The following CLEC9A variants were observed in gnomAD, a reference collection of about 807,000 sequenced individuals.
CLEC9A encodes the protein C-type lectin domain family 9 member A.
CLEC9A carries 24 observed loss-of-function variants against 30.0 expected under a neutral mutation model. That is an observed-to-expected ratio of 0.80 (90% confidence interval 0.58 to 1.13). CLEC9A has a LOEUF of 1.13. Among genes scored for constraint, CLEC9A ranks in the 50% most tolerant of loss-of-function variants. The pLI, the probability that CLEC9A is intolerant of heterozygous loss-of-function variation, is 0.00. For missense variants in CLEC9A, 251 were observed against 280.9 expected, an observed-to-expected ratio of 0.89 and a Z score of 0.76; for synonymous variants, 111 against 96.8, an observed-to-expected ratio of 1.15 and a Z score of -0.86.
In CLEC9A at chr12:10,041,673, A is replaced by C. The variant is rs570348953; in HGVS notation, c.-163+53A>C. ...TGGAGGCAAGGGAGAAAACTCTCAA[A>C]TGTAACATTTGACCTTTTTTGTTTT... On this transcript the variant is annotated intron_variant, in intron 2 of 8. Coordinates refer to ENST00000355819, the MANE Select transcript of CLEC9A (RefSeq NM_207345.4). 164 of 522,794 alleles carry C rather than the reference A, an allele frequency of 3.1e-4. 4 individuals are homozygous for C. The highest frequency in any genetic ancestry group is 2.3e-3 in the South Asian group (164 of 71,702). The allele number at this position is 522,794 out of a possible 1,614,324, so 32.4% of individuals were successfully genotyped here. A position where few individuals can be genotyped will look rare whatever the true frequency, so the allele number is the denominator to read the frequency against.
chr12:10,065,643 G>A lies in CLEC9A; in HGVS notation c.*11G>A, dbSNP rs774503973. ...AGATCCTCTGTCTGAAAGAAATTGT[G>A]TTCAAAGTGTTCTATTACACTGTTA... On this transcript the variant is annotated 3_prime_UTR_variant, in exon 9 of 9. Coordinates refer to ENST00000355819, the MANE Select transcript of CLEC9A (RefSeq NM_207345.4). 6.2e-7 allele frequency: 1 copy of A among 1,613,136 alleles called. No homozygotes were observed. The highest frequency in any genetic ancestry group is 1.7e-5 in the Admixed American group (1 of 59,946).
chr12:10,063,312 C>T, intron 7 of CLEC9A, 106 bp downstream of exon 7: 2 of 1,040,836 alleles, frequency 1.9e-6, no homozygotes, highest in Non-Finnish European at 2.6e-6. Flanking sequence ...TCTATAACAG[C>T]AGTATAATTG....
intron 2 of CLEC9A, 58 bp downstream of exon 2, chr12:10,041,678 A>T (rs960826059): frequency 7.7e-6 from 4 of 520,436 alleles, no homozygotes; most frequent in East Asian, 5.4e-5. Context: ...CTCAAATGTA[A>T]CATTTGACCT....
chr12:10,047,863 C>T (rs1201627867), intron 2 of CLEC9A, among the ~76,000 whole-genome samples: 1 of 152,028 alleles, frequency 6.6e-6, no homozygotes, highest in Non-Finnish European at 1.5e-5. Flanking sequence ...CGTGCCTTGA[C>T]GTTGATGGAT....
chr12:10,057,726 C>A (rs1427441575), intron 5 of CLEC9A, among the ~76,000 whole-genome samples: 1 of 151,856 alleles, frequency 6.6e-6, no homozygotes, highest in Non-Finnish European at 1.5e-5. Flanking sequence ...TAGATATAAA[C>A]CAAATACTAA....
At chr12:10,059,144 C>T (rs1865972511) in intron 5 of CLEC9A, among the ~76,000 whole-genome samples, 1 of 152,024 alleles carries the variant, frequency 6.6e-6, no homozygotes, top group Non-Finnish European at 1.5e-5. Flanking sequence ...AATTATATAA[C>T]TGAGTAGAAT....
At chr12:10,052,875 G>A (rs2137308062) in intron 4 of CLEC9A, 97 bp downstream of exon 4, 2 of 1,353,922 alleles carry the variant, frequency 1.5e-6, no homozygotes, top group Non-Finnish European at 2.0e-6. Context: ...TCTAATCCGA[G>A]ATAATCTACC....
intron 1 of CLEC9A, among the ~76,000 whole-genome samples, chr12:10,038,417 T>C (rs1865761533): frequency 6.6e-6 from 1 of 152,068 alleles, no homozygotes; most frequent in South Asian, 2.1e-4. Flanking sequence ...AGAAAAAAAA[T>C]ATGTACAAGC....
intron 2 of CLEC9A, among the ~76,000 whole-genome samples, chr12:10,048,806 G>A (rs558701710): frequency 6.6e-6 from 1 of 152,292 alleles, no homozygotes; most frequent in Admixed American, 6.5e-5. Flanking sequence ...CATGAGGGTT[G>A]GAGTCAACTT....
In CLEC9A at chr12:10,052,629, G is replaced by T; in HGVS notation, c.-58-1G>T. The T allele has an allele frequency of 6.3e-7, 1 of 1,595,184 alleles. No individual in the cohort carries two copies. The highest frequency in any genetic ancestry group is 1.1e-5 in the South Asian group (1 of 88,758). On this transcript the variant is annotated splice_acceptor_variant, in intron 3 of 8. Transcript: ENST00000355819. LOFTEE classifies it low-confidence loss of function (5UTR_SPLICE). Reference sequence around the variant, plus strand: ...TACACCAACCTGCTCCAAACCACAAGAGGAGTTACTTGTTCCAGCCTCCTG... The same window carrying T: ...TACACCAACCTGCTCCAAACCACAATAGGAGTTACTTGTTCCAGCCTCCTG...
At chr12:10,040,714 T>G (rs1865787902) in intron 1 of CLEC9A, 1 of 153,910 alleles carries the variant, frequency 6.5e-6, no homozygotes, top group African/African-American at 2.4e-5. Context: ...CCTCCCAAAG[T>G]GCTGGGATTA....
chr12:10,052,911 T>C, intron 4 of CLEC9A, 133 bp downstream of exon 4: 1 of 970,626 alleles, frequency 1.0e-6, no homozygotes, highest in Non-Finnish European at 1.4e-6. Context: ...GTCCGTGAAA[T>C]GCTAATGAAG....
chr12:10,054,269 A>C lies in CLEC9A; in HGVS notation c.92-2A>C. On this transcript the variant is annotated splice_acceptor_variant, in intron 4 of 8. Coordinates refer to ENST00000355819, the MANE Select transcript of CLEC9A (RefSeq NM_207345.4). LOFTEE classifies it high-confidence loss of function. Reference sequence around the variant, plus strand: ...GTATCATTTTTCCTATTCTGTGGTTAGGAGCATGCTGTCTTGTGATGGTGA... The same window carrying C: ...GTATCATTTTTCCTATTCTGTGGTTCGGAGCATGCTGTCTTGTGATGGTGA... The C allele has an allele frequency of 1.9e-6, 3 of 1,611,006 alleles. No individual in the cohort carries two copies. The highest frequency in any genetic ancestry group is 2.5e-6 in the Non-Finnish European group (3 of 1,177,904).
intron 1 of CLEC9A, among the ~76,000 whole-genome samples, chr12:10,036,475 G>C (rs533296805): frequency 6.6e-6 from 1 of 152,288 alleles, no homozygotes; most frequent in East Asian, 1.9e-4. Flanking sequence ...CTTAAAGGTG[G>C]TAAGAAGTCT....
chr12:10,058,965 TA>T (rs1203324520), intron 5 of CLEC9A, among the ~76,000 whole-genome samples: 1 of 152,232 alleles, frequency 6.6e-6, no homozygotes, highest in African/African-American at 2.4e-5. Flanking sequence ...TATTTCTCTC[TA>T]AAAGAGGATT....
chr12:10,044,221 C>T (rs572831556), intron 2 of CLEC9A, among the ~76,000 whole-genome samples: 4 of 152,234 alleles, frequency 2.6e-5, no homozygotes, highest in South Asian at 2.1e-4. Flanking sequence ...TTGTCACTTC[C>T]TATGTGGTTT....
At chr12:10,061,433 C>T (rs369553432) in intron 6 of CLEC9A, among the ~76,000 whole-genome samples, 160 bp downstream of exon 6, 5 of 152,132 alleles carry the variant, frequency 3.3e-5, no homozygotes, top group Non-Finnish European at 4.4e-5. Flanking sequence ...TTATTTATAA[C>T]ATCCAATACT....
At chr12:10,053,175 G>A (rs1865910660) in intron 4 of CLEC9A, among the ~76,000 whole-genome samples, 1 of 152,180 alleles carries the variant, frequency 6.6e-6, no homozygotes, top group South Asian at 2.1e-4. Context: ...AGAGTTGTTG[G>A]CTATAGTGAT....
intron 6 of CLEC9A, 150 bp from the exon 7 acceptor site, chr12:10,062,903 CAG>C: frequency 2.2e-6 from 1 of 462,556 alleles, no homozygotes; most frequent in Non-Finnish European, 3.6e-6. Flanking sequence ...TATTGAGCCT[CAG>C]AGAAGCTGAA....
Sources: gnomAD v4.1 joint callset for allele counts (sites outside exome capture counted in the v4.1 genomes callset) on GRCh38, gnomAD v4.1.1 for gene constraint, MANE v1.5 for transcripts, NCBI Gene and HGNC (gene_info 2026-07-23, HGNC 2026-07-21) for gene names.